Variants in SLC28A1 observed in about 807,000 individuals in gnomAD.
SLC28A1 encodes the protein solute carrier family 28 member 1, also known as sodium/nucleoside cotransporter 1.
In SLC28A1, 64 loss-of-function variants were observed where a neutral mutation model predicts 74.8. The ratio of observed to expected loss-of-function variants is 0.86; its 90% CI spans 0.70 to 1.05. The LOEUF (loss-of-function observed/expected upper bound fraction) is 1.05, where lower values mean the gene tolerates loss of function less well. SLC28A1 is among the 50% of genes least tolerant of loss of function. SLC28A1 has a pLI of 0.00. For synonymous variants in SLC28A1, 359 were observed against 335.0 expected, an observed-to-expected ratio of 1.07 and a Z score of -0.78; for missense variants, 828 against 822.8, an observed-to-expected ratio of 1.01 and a Z score of -0.08.
chr15:84,940,725 C>T lies in SLC28A1; in HGVS notation c.1582-2720C>T, dbSNP rs76698204. The T allele has an allele frequency of 5.6e-3, 912 of 162,106 alleles. 10 individuals are homozygous for T. Among genetic ancestry groups the T allele is most frequent in the Middle Eastern group, 0.036 (11 of 304 alleles). The allele number at this position is 162,106 out of a possible 1,614,324, so 10.0% of individuals were successfully genotyped here. A position where few individuals can be genotyped will look rare whatever the true frequency, so the allele number is the denominator to read the frequency against. On this transcript the variant is annotated intron_variant, in intron 15 of 18. Transcript: ENST00000394573. Reference sequence around the variant, plus strand: ...TTCTAAGGCTGCTTATTCTCCACAGCGGTTTTATAACCACATCTCTCCTAC... The same window carrying T: ...TTCTAAGGCTGCTTATTCTCCACAGTGGTTTTATAACCACATCTCTCCTAC...
the SLC28A1 span, among the ~76,000 whole-genome samples, chr15:84,965,898 C>CGG: frequency 2.0e-4 from 22 of 107,714 alleles, no homozygotes; most frequent in South Asian, 1.0e-3. Flanking sequence ...TGGAGGGAGG[C>CGG]GGGGAGGGGG....
chr15:84,922,443 C>T (rs1408485775), intron 11 of SLC28A1, among the ~76,000 whole-genome samples: 47 of 152,286 alleles, frequency 3.1e-4, no homozygotes, highest in Non-Finnish European at 7.4e-5. Context: ...AGCTGCCCTG[C>T]CTTCCTCCGC....
In SLC28A1 at chr15:84,904,138, T is replaced by C; in HGVS notation, c.503T>C (p.Leu168Pro). ...GCTTTCCTGGGCCTGGTCCTGTGGC[T>C]GTCTCTGGACACCTCCCAGCGGCCT... is the stretch of plus-strand genomic sequence containing the variant. ...LAAFLGLVLW[L>P]SLDTSQRPEQ... Residue 168 changes from leucine to proline, a missense_variant, in exon 7 of 19, where the codon CTG becomes CCG. By Grantham distance (98) the Leu-to-Pro change is moderately conservative. Around this residue, in one of 3 missense-constraint regions of SLC28A1, gnomAD observed 767 missense variants for 753.5 expected, o/e 1.02. Coordinates refer to ENST00000394573, the MANE Select transcript of SLC28A1 (RefSeq NM_004213.5). The C allele has an allele frequency of 6.2e-7, 1 of 1,614,180 alleles. No homozygotes were observed. The highest frequency in any genetic ancestry group is 2.2e-5 in the East Asian group (1 of 44,886).
intron 1 of SLC28A1, chr15:84,886,010 C>A: frequency 2.6e-6 from 1 of 378,538 alleles, no homozygotes; most frequent in South Asian, 1.1e-4. Flanking sequence ...AGGATTTTGT[C>A]CTGAGCGCGT....
chr15:84,904,264 GC>G lies in SLC28A1; in HGVS notation c.603+27del. 12 of 1,612,830 alleles carry G rather than the reference GC, an allele frequency of 7.4e-6. No homozygotes were observed. The African/African-American group carries it at 9.3e-5, about 13-fold the overall frequency. ...GTGAGTGCTAGTTGTGGGGCCCAGG[GC>G]TGGAAGTGTTTGCCTCTCTCTTCTG... On this transcript the variant is annotated intron_variant, in intron 7 of 18. Coordinates refer to ENST00000394573, the MANE Select transcript of SLC28A1 (RefSeq NM_004213.5).
At chr15:84,968,533 G>A in the SLC28A1 span, among the ~76,000 whole-genome samples, 1 of 152,218 alleles carries the variant, frequency 6.6e-6, no homozygotes, top group African/African-American at 2.4e-5. Context: ...AGAACAAAGT[G>A]GAAGCCACGA....
At chr15:84,938,760 A>G (rs1972278681) in intron 15 of SLC28A1, among the ~76,000 whole-genome samples, 1 of 152,154 alleles carries the variant, frequency 6.6e-6, no homozygotes, top group Admixed American at 6.5e-5. Flanking sequence ...CAAGAAAAAA[A>G]AAAACAGGGC....
chr15:84,905,733 G>T, intron 8 of SLC28A1, 81 bp downstream of exon 8: 2 of 1,051,820 alleles, frequency 1.9e-6, no homozygotes, highest in Non-Finnish European at 2.9e-6. Context: ...GGGGAAAAGT[G>T]GGTGGTGAGG....
chr15:84,889,746 TTCCTTCCTTCCTTC>T (rs1965122908), intron 4 of SLC28A1, among the ~76,000 whole-genome samples: 1 of 121,282 alleles, frequency 8.2e-6, no homozygotes, highest in Non-Finnish European at 1.7e-5. Flanking sequence ...CCTTCCTTCC[TTCCTTCCTTCCTTC>T]CTTCCTTTTC....
chr15:84,925,755 T>C (rs1388142941), intron 12 of SLC28A1, among the ~76,000 whole-genome samples: 1 of 152,092 alleles, frequency 6.6e-6, no homozygotes, highest in Non-Finnish European at 1.5e-5. Flanking sequence ...TACACCTGAG[T>C]ACTCACATAC....
At chr15:84,907,448 G>A (rs1450907387) in intron 8 of SLC28A1, among the ~76,000 whole-genome samples, 1 of 152,190 alleles carries the variant, frequency 6.6e-6, no homozygotes, top group Non-Finnish European at 1.5e-5. Context: ...GCCTCCCAAA[G>A]TGCTGGGATT....
At chr15:84,956,480 T>C in the SLC28A1 span, among the ~76,000 whole-genome samples, 5,127 of 132,942 alleles carry the variant, frequency 0.039, 95 homozygotes, top group African/African-American at 0.064. Flanking sequence ...TCTTTCTTTC[T>C]TTCTTTCTTT....
At position 84,943,385 on chromosome 15, in the gene SLC28A1, T is replaced by C. The variant is rs150599995; in HGVS notation, c.1582-60T>C. 2.8e-4 allele frequency: 347 copies of C among 1,225,366 alleles called. No homozygotes were observed. In the African/African-American group the frequency reaches 4.8e-3, roughly 17 times the overall value. 75.9% of individuals were successfully genotyped at this position (1,225,366 alleles called of 1,614,324 possible). ...TTAAGGCCAGGGAGCCTGGGTGTTA[T>C]AGGGGTGCCCCAGGCCCATCTGAGG... On this transcript the variant is annotated intron_variant, in intron 15 of 18. Coordinates refer to ENST00000394573, the MANE Select transcript of SLC28A1 (RefSeq NM_004213.5).
chr15:84,966,606 G>A, the SLC28A1 span, among the ~76,000 whole-genome samples: 1 of 152,196 alleles, frequency 6.6e-6, no homozygotes, highest in Non-Finnish European at 1.5e-5. Flanking sequence ...AAAGAAAGAG[G>A]TTTAAAGGAT....
downstream of SLC28A1, among the ~76,000 whole-genome samples, chr15:84,946,142 A>T (rs1460416725): frequency 2.7e-5 from 1 of 36,700 alleles, no homozygotes; most frequent in Non-Finnish European, 5.0e-5. Flanking sequence ...TTTGGTAGAG[A>T]TGAGGTCTTG....
chr15:84,928,586 C>T lies in SLC28A1; in HGVS notation c.1083+4476C>T, dbSNP rs1374504536. Among the ~76,000 whole-genome samples the T allele has an allele frequency of 4.9e-4, 11 of 22,322 alleles. 1 individual carries two copies. Among genetic ancestry groups the T allele is most frequent in the African/African-American group, 4.8e-3 (11 of 2,294 alleles). 14.6% of individuals were successfully genotyped at this position (22,322 alleles called of 152,430 possible). ...TCTTTCTTTCTTTCTTTCTTTCTTT[C>T]TTTCTTTCTTTCTTTCTTTTCTTTC... On this transcript the variant is annotated intron_variant, in intron 12 of 18. Transcript: ENST00000394573.
chr15:84,934,645 T>G (rs1971675230), intron 13 of SLC28A1, among the ~76,000 whole-genome samples: 6 of 152,358 alleles, frequency 3.9e-5, no homozygotes, highest in African/African-American at 1.4e-4. Context: ...TGGGTGATTT[T>G]AATAACCGAT....
In SLC28A1 at chr15:84,888,872, C is replaced by G. The variant is rs1397327486; in HGVS notation, c.185+12C>G. On this transcript the variant is annotated intron_variant, in intron 4 of 18. Transcript: ENST00000394573. ...CCCTTCTCCAGATGGTAGGTGATCTCTGGAGAGACAAGGGCGGGCCTGGGG... is the reference window on the plus strand; with the variant it reads ...CCCTTCTCCAGATGGTAGGTGATCTGTGGAGAGACAAGGGCGGGCCTGGGG... 3.9e-6 allele frequency: 6 copies of G among 1,543,888 alleles called. No individual in the cohort carries two copies. Among genetic ancestry groups the G allele is most frequent in the Non-Finnish European group, 5.3e-6 (6 of 1,140,028 alleles).
At position 84,890,346 on chromosome 15, in the gene SLC28A1, C is replaced by T. The variant is rs1965222688; in HGVS notation, c.186-97C>T. The T allele has an allele frequency of 3.3e-6, 3 of 901,470 alleles. No homozygotes were observed. In the South Asian group the frequency reaches 4.2e-5, roughly 13 times the overall value. 55.8% of individuals were successfully genotyped at this position (901,470 alleles called of 1,614,324 possible). On this transcript the variant is annotated intron_variant, in intron 4 of 18. Coordinates refer to ENST00000394573, the MANE Select transcript of SLC28A1 (RefSeq NM_004213.5). The stretch of plus-strand genomic sequence containing the variant: ...GGCAAGCCCTGGCTTGCCCCTGTTG[C>T]CACTTTACTGGGGACATACCTGAGT...
Sources: allele counts gnomAD v4.1 joint callset (sites outside exome capture counted in the v4.1 genomes callset), GRCh38; gene constraint gnomAD v4.1.1; regional missense constraint gnomAD v4.1.1; transcripts MANE v1.5; gene names NCBI Gene and HGNC (gene_info 2026-07-23, HGNC 2026-07-21).